FLNC: variants seen among roughly 807,000 people sequenced by gnomAD.
The protein encoded by FLNC is filamin C.
A neutral mutation model predicts 254.3 loss-of-function variants in FLNC; 91 were observed. The ratio of observed to expected loss-of-function variants is 0.36; its 90% CI spans 0.30 to 0.43. FLNC has a LOEUF of 0.43. FLNC is among the 20% of genes least tolerant of loss of function. The pLI, the probability that FLNC is intolerant of heterozygous loss-of-function variation, is 1.00. For synonymous variants in FLNC, 1,430 were observed against 1,577.2 expected, an observed-to-expected ratio of 0.91 and a Z score of 2.21; for missense variants, 2,853 against 3,802.6, an observed-to-expected ratio of 0.75 and a Z score of 6.57.
chr7:128,846,763 C>T lies in FLNC; in HGVS notation c.4146C>T (p.Gly1382=). ...TVETRGAGTG[G]LGLAIEGPSE... ...CTCTCAGGGGAGCGGGCACCGGGGG[C>T]CTTGGCCTAGCCATCGAGGGTCCCT... is the stretch of plus-strand genomic sequence containing the variant. Residue 1382 remains glycine, a synonymous_variant, in exon 24 of 48, where the codon GGC becomes GGT. Transcript: ENST00000325888. 2 of 1,614,064 alleles carry T rather than the reference C, an allele frequency of 1.2e-6. No individual in the cohort carries two copies. Among genetic ancestry groups the T allele is most frequent in the Non-Finnish European group, 1.7e-6 (2 of 1,179,994 alleles).
chr7:128,843,049 C>G, intron 16 of FLNC, 95 bp downstream of exon 16: 3 of 1,501,578 alleles, frequency 2.0e-6, no homozygotes, highest in Non-Finnish European at 2.8e-6. Context: ...GGGATGATTC[C>G]GCAGACATGG....
chr7:128,842,680 T>G lies in FLNC; in HGVS notation c.2371T>G (p.Cys791Gly). ...ANEPTYFTVD[C>G]SEAGQGDVSI... ...TGAGCCCACCTACTTCACGGTGGACTGCAGCGAGGCGGGGCAAGGTGCGCC... is the reference window on the plus strand; with the variant it reads ...TGAGCCCACCTACTTCACGGTGGACGGCAGCGAGGCGGGGCAAGGTGCGCC... Residue 791 changes from cysteine to glycine, a missense_variant, in exon 15 of 48, where the codon TGC becomes GGC. By Grantham distance (159) the Cys-to-Gly change is radical (BLOSUM62 -3). Around this residue, in one of 10 missense-constraint regions of FLNC, gnomAD observed 1,573 missense variants for 1,883.5 expected, o/e 0.84. Transcript: ENST00000325888. The surrounding 1 kb of genome is among the most constrained non-coding windows in gnomAD (Gnocchi z 5.4). The G allele has an allele frequency of 6.5e-7, 1 of 1,550,322 alleles. No individual in the cohort carries two copies. The highest frequency in any genetic ancestry group is 1.4e-5 in the African/African-American group (1 of 72,918).
rs1808473665 is a variant in FLNC, at chr7:128,844,545, G to A, written c.3193-113G>A. ...ATGTCATCACCTGGGATTGTTATAA[G>A]CACTCAGTCCACAGTAGCAGCCACA... On this transcript the variant is annotated intron_variant, in intron 20 of 47. Transcript: ENST00000325888. 5 of 1,070,194 alleles carry A rather than the reference G, an allele frequency of 4.7e-6. No individual in the cohort carries two copies. The South Asian group carries it at 6.4e-5, about 14-fold the overall frequency. 66.3% of individuals were successfully genotyped at this position (1,070,194 alleles called of 1,614,324 possible).
In FLNC at chr7:128,844,940, C is replaced by A; in HGVS notation, c.3475C>A (p.Arg1159=). Residue 1159 remains arginine (R), a synonymous_variant, in exon 21 of 48, where the codon CGG becomes AGG. Transcript: ENST00000325888. The part of the protein sequence containing the change: ...IRPVFDPSKV[R]ASGPGLERGK... The stretch of plus-strand genomic sequence containing the variant: ...GCCTGTGTTTGACCCGAGCAAGGTG[C>A]GGGCCAGTGGACCGGGCCTGGAGCG... 1 of 1,613,870 alleles carries A rather than the reference C, an allele frequency of 6.2e-7. No individual in the cohort carries two copies. The highest frequency in any genetic ancestry group is 8.5e-7 in the Non-Finnish European group (1 of 1,180,038).
intron 28 of FLNC, 43 bp from the exon 29 acceptor site, chr7:128,849,138 C>T (rs376977034): frequency 3.7e-6 from 6 of 1,607,820 alleles, no homozygotes; most frequent in Non-Finnish European, 5.1e-6. Context: ...TGCCCCAGCC[C>T]ACGTTGAGCA....
At position 128,858,912 on chromosome 7, in the gene FLNC, C is replaced by T. The variant is rs183078755; in HGVS notation, c.*389C>T. On this transcript the variant is annotated 3_prime_UTR_variant, in exon 48 of 48. Transcript: ENST00000325888. The surrounding 1 kb of genome is among the most constrained non-coding windows in gnomAD (Gnocchi z 6.7). ...TGAGGTCACCCTCAAACTGCACCGC[C>T]GGCCAGATACCCTCCTGACCCCGAG... 1.5e-5 allele frequency: 4 copies of T among 270,594 alleles called. No homozygotes were observed. The highest frequency in any genetic ancestry group is 5.1e-5 in the South Asian group (1 of 19,460). 16.8% of individuals were successfully genotyped at this position (270,594 alleles called of 1,614,324 possible). A position where few individuals can be genotyped will look rare whatever the true frequency, so the allele number is the denominator to read the frequency against.
chr7:128,844,000 G>A lies in FLNC; in HGVS notation c.2930-4G>A, dbSNP rs747623690. ...CCTCATGGTGTCACTTGCCCTCCAC[G>A]CAGAGGTGGCTGTGGGACAGGAACA... On this transcript the variant is annotated splice_polypyrimidine_tract_variant and splice_region_variant and intron_variant, in intron 19 of 47. Coordinates refer to ENST00000325888, the MANE Select transcript of FLNC (RefSeq NM_001458.5). 1.1e-5 allele frequency: 18 copies of A among 1,614,020 alleles called. No individual in the cohort carries two copies. The highest frequency in any genetic ancestry group is 8.8e-5 in the South Asian group (8 of 91,090).
Position 128,854,432 on chromosome 7 carries a change from C to T in FLNC, c.6747C>T (p.Asp2249=). ...CTGCAGGTGAGGCCAGCTCTCAGGA[C>T]ATGACTGCACAGGTGACCAGCCCAT... is the stretch of plus-strand genomic sequence containing the variant. The part of the protein sequence containing the change: ...RQQEGEASSQ[D]MTAQVTSPSG... Residue 2249 remains aspartate, a synonymous_variant, in exon 41 of 48, where the codon GAC becomes GAT. Transcript: ENST00000325888. 1 of 1,610,546 alleles carries T rather than the reference C, an allele frequency of 6.2e-7. No homozygotes were observed. Among genetic ancestry groups the T allele is most frequent in the Non-Finnish European group, 8.5e-7 (1 of 1,178,870 alleles).
At position 128,841,027 on chromosome 7, in the gene FLNC, C is replaced by A; in HGVS notation, c.1813+57C>A. On this transcript the variant is annotated intron_variant, in intron 11 of 47. Transcript: ENST00000325888. This position sits in a 1 kb window ranked among gnomAD's most constrained non-coding sequence, Gnocchi z 4.3. ...CTGCGGGGGAGGGCAGCAGGGGACA[C>A]TGTGGGTAATGGGTGCAGTGCGCAT... is the stretch of plus-strand genomic sequence containing the variant. The A allele has an allele frequency of 3.8e-6, 6 of 1,570,300 alleles. No individual in the cohort carries two copies. Among genetic ancestry groups the A allele is most frequent in the Non-Finnish European group, 5.2e-6 (6 of 1,154,828 alleles).
Position 128,830,484 on chromosome 7 carries a change from C to T in FLNC, c.-154C>T. On this transcript the variant is annotated 5_prime_UTR_variant, in exon 1 of 48. Coordinates refer to ENST00000325888, the MANE Select transcript of FLNC (RefSeq NM_001458.5). ...CGAGCGCCTAGGAGGCCCGCCGAGC[C>T]TCGCCGAGCCCCGCCAGCCCCGGCG... 1.5e-6 allele frequency: 1 copy of T among 670,996 alleles called. No individual in the cohort carries two copies. Among genetic ancestry groups the T allele is most frequent in the Non-Finnish European group, 2.5e-6 (1 of 396,528 alleles). The allele number at this position is 670,996 out of a possible 1,614,324, so 41.6% of individuals were successfully genotyped here.
intron 10 of FLNC, 39 bp from the exon 11 acceptor site, chr7:128,840,795 G>T (rs777650322): frequency 8.1e-6 from 13 of 1,613,162 alleles, no homozygotes; most frequent in Admixed American, 3.3e-5. Flanking sequence ...ACTTTGGGGG[G>T]CACTTCCTGG....
In FLNC at chr7:128,849,099, T is replaced by C. The variant is rs1808695672; in HGVS notation, c.4928-82T>C. The C allele has an allele frequency of 8.9e-6, 14 of 1,575,142 alleles. No homozygotes were observed. The South Asian group carries it at 1.0e-4, about 11-fold the overall frequency. On this transcript the variant is annotated intron_variant, in intron 28 of 47. Coordinates refer to ENST00000325888, the MANE Select transcript of FLNC (RefSeq NM_001458.5). ...TCGGAGAGCACACATGCCCTAGCCCTGGCCCCTCCCTCCCTCACCCCCGCC... is the reference window on the plus strand; with the variant it reads ...TCGGAGAGCACACATGCCCTAGCCCCGGCCCCTCCCTCCCTCACCCCCGCC...
intron 8 of FLNC, among the ~76,000 whole-genome samples, chr7:128,839,032 G>A (rs1386961492): frequency 6.6e-6 from 1 of 152,202 alleles, no homozygotes; most frequent in African/African-American, 2.4e-5. Context: ...GGCTGTATGG[G>A]TGGGGGCATA....
rs765574147 is a variant in FLNC at position 128,848,798 on chromosome 7, C to T, written c.4743C>T (p.Pro1581=). The T allele has an allele frequency of 1.5e-5, 25 of 1,614,008 alleles. 1 individual carries two copies. The highest frequency in any genetic ancestry group is 2.7e-5 in the African/African-American group (2 of 74,920). Reference sequence around the variant, plus strand: ...GACCTCTGCTTCTCCCTCAGGACCCCGAGGGTAAGCCCAAGAAGGCCAACA... The same window carrying T: ...GACCTCTGCTTCTCCCTCAGGACCCTGAGGGTAAGCCCAAGAAGGCCAACA... ...EGLLTVQILD[P]EGKPKKANIR... Residue 1581 remains proline, a synonymous_variant, in exon 28 of 48, where the codon CCC becomes CCT. Coordinates refer to ENST00000325888, the MANE Select transcript of FLNC (RefSeq NM_001458.5).
chr7:128,847,915 G>A (rs1428153684), intron 25 of FLNC, 30 bp from the exon 26 acceptor site: 1 of 1,613,830 alleles, frequency 6.2e-7, no homozygotes, highest in Admixed American at 1.7e-5. Context: ...GACGCCCGGA[G>A]GCTCTGCTGA....
In FLNC at chr7:128,835,034, A is replaced by G. The variant is rs1282553597; in HGVS notation, c.353-292A>G. Among the ~76,000 whole-genome samples, 1 of 152,250 alleles carries G rather than the reference A, an allele frequency of 6.6e-6. No individual in the cohort carries two copies. The highest frequency in any genetic ancestry group is 6.5e-5 in the Admixed American group (1 of 15,282). On this transcript the variant is annotated intron_variant, in intron 1 of 47. Transcript: ENST00000325888. This position sits in a 1 kb window ranked among gnomAD's most constrained non-coding sequence, Gnocchi z 5.3. ...GGGAGCCTTACAATCCCACAAGGCC[A>G]GAAAGAAACCAGGTAATTACATAGA...
intron 35 of FLNC, 21 bp downstream of exon 35, chr7:128,851,649 T>A (rs1194488611): frequency 6.2e-7 from 1 of 1,611,832 alleles, no homozygotes; most frequent in Non-Finnish European, 8.5e-7. Context: ...TGTATGGGCA[T>A]GTACAGCCCA....
In FLNC at chr7:128,851,571, A is replaced by G. The variant is rs1231856625; in HGVS notation, c.5785A>G (p.Ile1929Val). ...GACTGCGCCTGGAGACTACAGCATC[A>G]TCGTGCGCTTCGATGACAAGCACAT... ...LPTAPGDYSI[I>V]VRFDDKHIPG... The change falls in exon 35 of 48, where the codon ATC becomes GTC. Residue 1929 changes from isoleucine (I) to valine (V), a missense_variant. Physicochemically the swap from Ile to Val is conservative, Grantham distance 29. Around this residue, in one of 10 missense-constraint regions of FLNC, gnomAD observed 551 missense variants for 835.0 expected, o/e 0.66. Transcript: ENST00000325888. 3 of 1,614,028 alleles carry G rather than the reference A, an allele frequency of 1.9e-6. No homozygotes were observed. The East Asian group carries it at 6.7e-5, about 36-fold the overall frequency.
At position 128,843,480 on chromosome 7, in the gene FLNC, A is replaced by C. The variant is rs2128935996; in HGVS notation, c.2714A>C (p.Gln905Pro). Residue 905 changes from glutamine (Q) to proline (P), a missense_variant, in exon 18 of 48, where the codon CAG becomes CCG. Gln to Pro is a moderately conservative substitution (Grantham distance 76). Transcript: ENST00000325888. ...GCCGGCAAGGCCAAGCTGGATGTGC[A>C]GTTTGCAGGGACAGCCAAGGGCGAG... The part of the protein sequence containing the change: ...KGAGKAKLDV[Q>P]FAGTAKGEVV... The C allele has an allele frequency of 6.2e-7, 1 of 1,614,120 alleles. No homozygotes were observed. Among genetic ancestry groups the C allele is most frequent in the Non-Finnish European group, 8.5e-7 (1 of 1,180,032 alleles).
Sources: gnomAD v4.1 joint callset for allele counts (sites outside exome capture counted in the v4.1 genomes callset) on GRCh38, gnomAD v4.1.1 for gene constraint, gnomAD v4.1.1 regional missense constraint, Gnocchi (gnomAD v3.1) non-coding constraint, MANE v1.5 for transcripts, NCBI Gene and HGNC (gene_info 2026-07-23, HGNC 2026-07-21) for gene names.